Variants in RELN observed in about 807,000 individuals in gnomAD.
The protein encoded by RELN is reelin.
A neutral mutation model predicts 427.6 loss-of-function variants in RELN; 108 were observed. The observed-to-expected ratio is 0.25, with a 90% CI of 0.22 to 0.30. The LOEUF (loss-of-function observed/expected upper bound fraction) is 0.30. Among genes scored for constraint, RELN ranks in the 10% least tolerant of loss-of-function variants. The probability of loss-of-function intolerance (pLI) is 1.00; values close to 1 mark genes in which losing one functional copy is unlikely to be tolerated. For missense variants in RELN, 3,715 were observed against 4,302.8 expected, an observed-to-expected ratio of 0.86 and a Z score of 3.82; for synonymous variants, 1,524 against 1,513.4, an observed-to-expected ratio of 1.01 and a Z score of -0.16.
At chr7:103,649,104 G>T (rs922460415) in intron 16 of RELN, among the ~76,000 whole-genome samples, 6 of 151,856 alleles carry the variant, frequency 4.0e-5, no homozygotes, top group African/African-American at 1.5e-4. Flanking sequence ...CAAAGAAAAA[G>T]AAACCAGTAT....
chr7:103,490,552 G>C, intron 59 of RELN, 116 bp downstream of exon 59: 1 of 1,092,342 alleles, frequency 9.2e-7, no homozygotes. Flanking sequence ...ATGGGAGAGG[G>C]CACCAGGGCT....
At chr7:103,909,010 A>C (rs974650899) in intron 2 of RELN, among the ~76,000 whole-genome samples, 1 of 152,172 alleles carries the variant, frequency 6.6e-6, no homozygotes, top group African/African-American at 2.4e-5. Flanking sequence ...TTTCTTTGTA[A>C]AGAGGCAGAC....
chr7:103,978,398 T>C (rs905410021), intron 1 of RELN, among the ~76,000 whole-genome samples: 5 of 152,192 alleles, frequency 3.3e-5, no homozygotes, highest in African/African-American at 1.2e-4. Context: ...AAATGAAAAG[T>C]TTCCTTCTTT....
chr7:103,767,439 G>C (rs1422005114), intron 4 of RELN, among the ~76,000 whole-genome samples: 3 of 152,052 alleles, frequency 2.0e-5, no homozygotes, highest in Admixed American at 1.3e-4. Flanking sequence ...AGCTTGCTTG[G>C]CTTCATCACT....
chr7:103,870,235 A>G (rs1306561947), intron 2 of RELN, among the ~76,000 whole-genome samples: 1 of 152,068 alleles, frequency 6.6e-6, no homozygotes, highest in African/African-American at 2.4e-5. Flanking sequence ...CATCTGGGCC[A>G]TCTCAGGACT....
intron 10 of RELN, among the ~76,000 whole-genome samples, chr7:103,690,891 A>G (rs1344372294): frequency 2.6e-5 from 4 of 152,160 alleles, no homozygotes; most frequent in Non-Finnish European, 4.4e-5. Flanking sequence ...TTTCTTCCAC[A>G]TGGGAAGTTC....
At chr7:103,839,782 A>G (rs39382) in intron 2 of RELN, among the ~76,000 whole-genome samples, 59,097 of 152,006 alleles carry the variant, frequency 0.39, 11,840 homozygotes, top group Non-Finnish European at 0.43. Context: ...AACCCTATGA[A>G]GTAGGAGTGT....
At chr7:103,635,394 C>T (rs1832557018) in intron 19 of RELN, 31 bp downstream of exon 19, 2 of 1,609,918 alleles carry the variant, frequency 1.2e-6, no homozygotes, top group Non-Finnish European at 8.5e-7. Context: ...TTTCACTCTA[C>T]AACCATTTTT....
chr7:103,972,408 C>T (rs1232202521), intron 1 of RELN, among the ~76,000 whole-genome samples: 6 of 152,190 alleles, frequency 3.9e-5, no homozygotes, highest in African/African-American at 1.2e-4. Context: ...CTGAGAACTA[C>T]GTGAAAGAGG....
Position 103,600,037 on chromosome 7 carries a change from C to A in RELN, c.3333+3267G>T, listed in dbSNP as rs536049586. Among the ~76,000 whole-genome samples the A allele has an allele frequency of 1.8e-4, 27 of 149,464 alleles. No individual in the cohort carries two copies. The East Asian group carries it at 3.3e-3, about 18-fold the overall frequency. On this transcript the variant is annotated intron_variant, in intron 24 of 64. Transcript: ENST00000428762. ...TCATTCTCCTGAGTAGTTTGGAGTACAGGCATGCCCCACTATGCCCAGCTA... is the reference window on the plus strand; with the variant it reads ...TCATTCTCCTGAGTAGTTTGGAGTAAAGGCATGCCCCACTATGCCCAGCTA...
intron 1 of RELN, among the ~76,000 whole-genome samples, chr7:103,927,961 T>C (rs1335280271): frequency 2.6e-5 from 4 of 152,202 alleles, no homozygotes; most frequent in Non-Finnish European, 5.9e-5. Flanking sequence ...ATACAATTTC[T>C]AAGTAAATCT....
chr7:103,751,239 T>C (rs1318151164), intron 5 of RELN, among the ~76,000 whole-genome samples: 1 of 152,184 alleles, frequency 6.6e-6, no homozygotes, highest in Non-Finnish European at 1.5e-5. Context: ...AAAACTCTCA[T>C]AACTTTTTCT....
At chr7:103,499,791 T>G (rs187612605) in intron 53 of RELN, among the ~76,000 whole-genome samples, 1 of 152,284 alleles carries the variant, frequency 6.6e-6, no homozygotes, top group East Asian at 1.9e-4. Flanking sequence ...ATTTATAGAT[T>G]TGTACAATTT....
chr7:103,730,682 G>A (rs1052166310), intron 6 of RELN, among the ~76,000 whole-genome samples: 3 of 152,122 alleles, frequency 2.0e-5, no homozygotes, highest in African/African-American at 7.2e-5. Context: ...TACCCACTGT[G>A]TGGTTGCTAC....
chr7:103,747,335 G>A (rs1215672589), intron 6 of RELN, among the ~76,000 whole-genome samples: 1 of 151,882 alleles, frequency 6.6e-6, no homozygotes, highest in Non-Finnish European at 1.5e-5. Context: ...AACGGGTGCA[G>A]CACACTAATA....
chr7:103,566,192 A>T (rs759842704), intron 33 of RELN, 32 bp downstream of exon 33: 1 of 1,560,142 alleles, frequency 6.4e-7, no homozygotes, highest in Admixed American at 1.7e-5. Context: ...AGTTAATCAG[A>T]TATTTTCCCT....
intron 6 of RELN, among the ~76,000 whole-genome samples, chr7:103,742,912 T>G (rs1417288534): frequency 6.6e-6 from 1 of 151,894 alleles, no homozygotes; most frequent in East Asian, 1.9e-4. Flanking sequence ...ATACAGAGAA[T>G]GCCACAAAGA....
Position 103,727,998 on chromosome 7 carries a change from T to C in RELN, c.753+113A>G, listed in dbSNP as rs10239666. The stretch of plus-strand genomic sequence containing the variant: ...TTTAAGATATTTGTAATAGGACTCA[T>C]AAATCATATTTGAATTTTCATCTGA... On this transcript the variant is annotated intron_variant, in intron 7 of 64. Coordinates refer to ENST00000428762, the MANE Select transcript of RELN (RefSeq NM_005045.4). The C allele has an allele frequency of 5.7e-3, 5,448 of 949,750 alleles. 185 individuals are homozygous for C. In the African/African-American group the frequency reaches 0.076, roughly 13 times the overall value. 58.8% of individuals were successfully genotyped at this position (949,750 alleles called of 1,614,324 possible). A position where few individuals can be genotyped will look rare whatever the true frequency, so the allele number is the denominator to read the frequency against.
intron 12 of RELN, among the ~76,000 whole-genome samples, chr7:103,654,615 G>A (rs751767331): frequency 6.6e-6 from 1 of 152,062 alleles, no homozygotes; most frequent in Non-Finnish European, 1.5e-5. Context: ...ATGACTTCCT[G>A]CATCAAGGAA....
Sources: gnomAD v4.1 joint callset for allele counts (sites outside exome capture counted in the v4.1 genomes callset) on GRCh38, gnomAD v4.1.1 for gene constraint, MANE v1.5 for transcripts, NCBI Gene and HGNC (gene_info 2026-07-23, HGNC 2026-07-21) for gene names.